Variants in PCDHGA8 observed in about 807,000 individuals in gnomAD.
PCDHGA8 encodes the protein protocadherin gamma-A8.
Under a neutral mutation model 59.2 loss-of-function variants are expected in PCDHGA8, and 45 were observed. That is an observed-to-expected ratio of 0.76 (90% CI 0.60 to 0.98). The LOEUF is 0.98. Among genes scored for constraint, PCDHGA8 ranks in the 50% least tolerant of loss-of-function variants. The pLI, the probability that PCDHGA8 is intolerant of heterozygous loss-of-function variation, is 0.00. For synonymous variants in PCDHGA8, 531 were observed against 519.0 expected (o/e 1.02, Z -0.32); for missense variants, 1,257 against 1,196.2 (o/e 1.05, Z -0.75).
rs753030509 is a variant in PCDHGA8, at chr5:141,431,672, G to A, written c.2424+36435G>A. On this transcript the variant is annotated intron_variant, in intron 1 of 3. Transcript: ENST00000398604. The surrounding 1 kb of genome is among the most constrained non-coding windows in gnomAD (Gnocchi z 4.8). ...TAATTCAGGGACAATATCAACAATA[G>A]GGGAGTTGGACCACGAGGAGTCAGG... The A allele has an allele frequency of 9.3e-6, 15 of 1,614,110 alleles. No homozygotes were observed. Among genetic ancestry groups the A allele is most frequent in the African/African-American group, 4.0e-5 (3 of 74,948 alleles).
intron 1 of PCDHGA8, among the ~76,000 whole-genome samples, chr5:141,450,379 A>C (rs1269979263): frequency 6.6e-6 from 1 of 152,144 alleles, no homozygotes; most frequent in Non-Finnish European, 1.5e-5. Flanking sequence ...GTTTATATGA[A>C]ACTGACATTT....
In PCDHGA8 at chr5:141,487,472, G is replaced by A. The variant is rs2099645737; in HGVS notation, c.2425-7335G>A. The A allele has an allele frequency of 2.5e-6, 4 of 1,614,178 alleles. No individual in the cohort carries two copies. Among genetic ancestry groups the A allele is most frequent in the Non-Finnish European group, 3.4e-6 (4 of 1,180,036 alleles). Reference sequence around the variant, plus strand: ...CCCTATCAAGTTTGTTGATGTGGGAGGCCACTCTCATGGCTGTACACCCTT... The same window carrying A: ...CCCTATCAAGTTTGTTGATGTGGGAAGCCACTCTCATGGCTGTACACCCTT... On this transcript the variant is annotated intron_variant, in intron 1 of 3. Coordinates refer to ENST00000398604, the MANE Select transcript of PCDHGA8 (RefSeq NM_032088.2). This position sits in a 1 kb window ranked among gnomAD's most constrained non-coding sequence, Gnocchi z 5.0.
At chr5:141,416,274 A>G (rs2096010347) in intron 1 of PCDHGA8, 2 of 152,404 alleles carry the variant, frequency 1.3e-5, no homozygotes, top group Non-Finnish European at 1.5e-5. Flanking sequence ...CTTTTTGCAT[A>G]CAATTCTCTA....
chr5:141,510,910 A>C (rs780792326), intron 3 of PCDHGA8, 37 bp from the exon 4 acceptor site: 4 of 1,613,740 alleles, frequency 2.5e-6, no homozygotes, highest in Admixed American at 3.3e-5. Flanking sequence ...GAGGACCCTA[A>C]GTTTAGCTCC....
chr5:141,504,077 G>A (rs939470644), intron 2 of PCDHGA8, among the ~76,000 whole-genome samples: 3 of 152,124 alleles, frequency 2.0e-5, no homozygotes, highest in Non-Finnish European at 2.9e-5. Context: ...GCCAGATGGT[G>A]CCAAACAGTT....
chr5:141,501,331 A>T (rs1024837974), intron 2 of PCDHGA8, among the ~76,000 whole-genome samples: 2 of 138,846 alleles, frequency 1.4e-5, no homozygotes, highest in Non-Finnish European at 1.6e-5. Flanking sequence ...ACACACACAC[A>T]CACCCCAAAC....
chr5:141,405,203 C>T, intron 1 of PCDHGA8: 2 of 1,613,520 alleles, frequency 1.2e-6, no homozygotes, highest in Non-Finnish European at 1.7e-6. Context: ...AGCTTTCCTA[C>T]AGACCTATTC....
Position 141,436,345 on chromosome 5 carries a change from G to A in PCDHGA8, c.2424+41108G>A, listed in dbSNP as rs930858667. 5.9e-4 allele frequency among the ~76,000 whole-genome samples: 90 copies of A among 152,212 alleles called. 1 individual carries two copies. Among genetic ancestry groups the A allele is most frequent in the African/African-American group, 1.7e-3 (69 of 41,540 alleles). ...GTTAGACCATATCTCAAATATCAGT[G>A]ACTTCAATCAACTATGTTTCCAGTT... On this transcript the variant is annotated intron_variant, in intron 1 of 3. Coordinates refer to ENST00000398604, the MANE Select transcript of PCDHGA8 (RefSeq NM_032088.2).
intron 1 of PCDHGA8, chr5:141,424,529 A>G (rs1308118953): frequency 6.6e-6 from 1 of 152,218 alleles, no homozygotes; most frequent in Non-Finnish European, 1.5e-5. Context: ...AAATCCATAT[A>G]TAGAAATAAC....
chr5:141,476,756 C>T lies in PCDHGA8; in HGVS notation c.2425-18051C>T. On this transcript the variant is annotated intron_variant, in intron 1 of 3. Transcript: ENST00000398604. The surrounding 1 kb of genome is among the most constrained non-coding windows in gnomAD (Gnocchi z 7.6). ...ACGGGAGCCTAGTCTCCAGTTAGTGCTGACGGCGTTGGACGGAGGGACCCC... is the reference window on the plus strand; with the variant it reads ...ACGGGAGCCTAGTCTCCAGTTAGTGTTGACGGCGTTGGACGGAGGGACCCC... 3 of 1,613,928 alleles carry T rather than the reference C, an allele frequency of 1.9e-6. No homozygotes were observed. Among genetic ancestry groups the T allele is most frequent in the Non-Finnish European group, 2.5e-6 (3 of 1,180,010 alleles).
At chr5:141,413,025 A>G in intron 1 of PCDHGA8, 1 of 740,544 alleles carries the variant, frequency 1.4e-6, no homozygotes, top group Non-Finnish European at 2.1e-6. Context: ...CAAGCCCCAC[A>G]AACCGGCTGC....
rs4042104 is a variant in PCDHGA8 at position 141,489,091 on chromosome 5, T to TAAG, written c.2425-5713_2425-5711dup. On this transcript the variant is annotated intron_variant, in intron 1 of 3. Transcript: ENST00000398604. This position sits in a 1 kb window ranked among gnomAD's most constrained non-coding sequence, Gnocchi z 4.5. Reference sequence around the variant, plus strand: ...CTGCCCACCCCCGCCACTCGGTGACTAAGAACTGCTGCAAGCAGGCAAACC... The same window carrying TAAG: ...CTGCCCACCCCCGCCACTCGGTGACTAAGAAGAACTGCTGCAAGCAGGCAAACC... 136,009 of 332,164 alleles carry TAAG rather than the reference T, an allele frequency of 0.41. 28,517 individuals are homozygous for TAAG. The highest frequency in any genetic ancestry group is 0.54 in the Admixed American group (11,651 of 21,676). The allele number at this position is 332,164 out of a possible 1,614,324, so 20.6% of individuals were successfully genotyped here.
At chr5:141,478,924 T>C (rs1213046748) in intron 1 of PCDHGA8, 10 of 704,004 alleles carry the variant, frequency 1.4e-5, no homozygotes. Context: ...CTCTAACCAG[T>C]GGCAGCTTCT....
intron 1 of PCDHGA8, chr5:141,417,732 C>G (rs2096153715): frequency 4.3e-6 from 6 of 1,390,462 alleles, no homozygotes; most frequent in Non-Finnish European, 3.8e-6. Flanking sequence ...AGACCTTGCC[C>G]AGCACACCAG....
intron 3 of PCDHGA8, among the ~76,000 whole-genome samples, chr5:141,510,092 T>C (rs973542449): frequency 6.6e-6 from 1 of 152,138 alleles, no homozygotes; most frequent in South Asian, 2.1e-4. Flanking sequence ...TGGCACACAG[T>C]AGGTGCTCAA....
chr5:141,415,167 C>T (rs769256903), intron 1 of PCDHGA8: 3 of 1,613,894 alleles, frequency 1.9e-6, no homozygotes, highest in Admixed American at 3.3e-5. Flanking sequence ...CTGTCACGCT[C>T]ACCGTGGCCG....
chr5:141,455,476 G>C (rs2098823789), intron 1 of PCDHGA8, among the ~76,000 whole-genome samples: 1 of 152,218 alleles, frequency 6.6e-6, no homozygotes. Flanking sequence ...ATATGCAGAG[G>C]CTGGTGGAGG....
At chr5:141,403,300 G>C (rs1469024873) in intron 1 of PCDHGA8, 4 of 1,613,892 alleles carry the variant, frequency 2.5e-6, no homozygotes, top group Non-Finnish European at 3.4e-6. Context: ...GAGTGAAACT[G>C]TACGGAATAG....
intron 2 of PCDHGA8, among the ~76,000 whole-genome samples, chr5:141,499,575 T>TCCCTA (rs2099792820): frequency 1.3e-5 from 2 of 152,202 alleles, no homozygotes; most frequent in Non-Finnish European, 2.9e-5. Context: ...CTTCAACTAA[T>TCCCTA]GCCTTATCTT....
Sources: allele counts gnomAD v4.1 joint callset (sites outside exome capture counted in the v4.1 genomes callset), GRCh38; gene constraint gnomAD v4.1.1; non-coding constraint Gnocchi (gnomAD v3.1); transcripts MANE v1.5; gene names NCBI Gene and HGNC (gene_info 2026-07-23, HGNC 2026-07-21).